Variants in GPR158 observed in about 807,000 individuals in gnomAD.
GPR158 encodes the protein metabotropic glycine receptor.
A neutral mutation model predicts 78.2 loss-of-function variants in GPR158; 30 were observed. The ratio of observed to expected loss-of-function variants is 0.38; its 90% CI spans 0.29 to 0.52. The LOEUF (loss-of-function observed/expected upper bound fraction) is 0.52. GPR158 is among the 20% of genes least tolerant of loss of function. The probability of loss-of-function intolerance (pLI) is 0.83; values close to 1 mark genes in which losing one functional copy is unlikely to be tolerated. For missense variants in GPR158, 1,463 were observed against 1,523.5 expected, an observed-to-expected ratio of 0.96 and a Z score of 0.66; for synonymous variants, 581 against 591.1, an observed-to-expected ratio of 0.98 and a Z score of 0.25.
intron 3 of GPR158, among the ~76,000 whole-genome samples, chr10:25,401,616 A>G (rs1834447172): frequency 6.6e-6 from 1 of 151,964 alleles, no homozygotes; most frequent in Non-Finnish European, 1.5e-5. Flanking sequence ...ACATAATTTT[A>G]TATATTTGCA....
chr10:25,598,076 C>A lies in GPR158; in HGVS notation c.2450C>A (p.Ser817Tyr), dbSNP rs867635270. 6.2e-7 allele frequency: 1 copy of A among 1,613,894 alleles called. No individual in the cohort carries two copies. The highest frequency in any genetic ancestry group is 8.5e-7 in the Non-Finnish European group (1 of 1,180,004). Reference protein sequence around the residue: ...LKNRVFSLKKSHSTYDHVRDQ... With the variant: ...LKNRVFSLKKYHSTYDHVRDQ... ...AACCGAGTCTTCTCACTCAAGAAAT[C>A]CCACAGCACTTATGACCACGTGAGA... The change falls in exon 11 of 11, where the codon TCC (serine) becomes TAC (tyrosine). Residue 817 changes from serine (S) to tyrosine (Y), a missense_variant. Transcript: ENST00000376351.
At chr10:25,237,995 TTTC>T (rs777304606) in intron 2 of GPR158, among the ~76,000 whole-genome samples, 4 of 152,124 alleles carry the variant, frequency 2.6e-5, no homozygotes, top group African/African-American at 7.2e-5. Context: ...TCTCTTCTGT[TTTC>T]TTCTTTTCTC....
At chr10:25,217,660 G>C (rs910154745) in intron 1 of GPR158, among the ~76,000 whole-genome samples, 2 of 152,176 alleles carry the variant, frequency 1.3e-5, no homozygotes, top group Non-Finnish European at 1.5e-5. Flanking sequence ...AGCACAAAGG[G>C]AGTCCAACCT....
chr10:25,596,493 C>CTCTA (rs920411160), intron 9 of GPR158, 150 bp from the exon 10 acceptor site: 6 of 563,232 alleles, frequency 1.1e-5, no homozygotes, highest in Non-Finnish European at 1.9e-5. Flanking sequence ...GTCTCTCTCT[C>CTCTA]TCTATCTATC....
intron 2 of GPR158, among the ~76,000 whole-genome samples, chr10:25,270,835 C>T (rs941013772): frequency 6.6e-6 from 1 of 152,174 alleles, no homozygotes; most frequent in African/African-American, 2.4e-5. Context: ...CTCTTTACAT[C>T]CATTATTGTC....
chr10:25,476,268 T>G (rs1403082201), intron 5 of GPR158, among the ~76,000 whole-genome samples: 2 of 152,174 alleles, frequency 1.3e-5, no homozygotes, highest in Non-Finnish European at 2.9e-5. Flanking sequence ...AAGTGTATTT[T>G]TTTGCTAAAT....
At chr10:25,204,025 A>G (rs985087962) in intron 1 of GPR158, among the ~76,000 whole-genome samples, 2 of 151,408 alleles carry the variant, frequency 1.3e-5, no homozygotes, top group African/African-American at 2.4e-5. Context: ...AGCAATTGTG[A>G]ATGGGAGTTC....
chr10:25,478,865 A>C (rs1004057297), intron 5 of GPR158, among the ~76,000 whole-genome samples: 1 of 136,036 alleles, frequency 7.4e-6, no homozygotes, highest in African/African-American at 2.8e-5. Flanking sequence ...CTCATTGTCC[A>C]GTTCCCACCT....
At chr10:25,457,951 A>G (rs908353256) in intron 4 of GPR158, among the ~76,000 whole-genome samples, 17 of 152,252 alleles carry the variant, frequency 1.1e-4, no homozygotes, top group Admixed American at 1.3e-4. Flanking sequence ...AAAAATCACC[A>G]TAGCCATGTA....
intron 2 of GPR158, among the ~76,000 whole-genome samples, chr10:25,371,069 T>C (rs1833983129): frequency 1.3e-5 from 2 of 148,398 alleles, no homozygotes; most frequent in Admixed American, 6.8e-5. Flanking sequence ...TGTCTCTGCA[T>C]GTGAGATGGG....
intron 2 of GPR158, among the ~76,000 whole-genome samples, chr10:25,312,276 C>A (rs1282403513): frequency 2.0e-5 from 3 of 151,446 alleles, no homozygotes; most frequent in Non-Finnish European, 4.4e-5. Flanking sequence ...ATATATATAT[C>A]AGAGAAATTG....
intron 2 of GPR158, among the ~76,000 whole-genome samples, chr10:25,318,472 C>T (rs1283690727): frequency 6.6e-6 from 1 of 151,996 alleles, no homozygotes; most frequent in Non-Finnish European, 1.5e-5. Flanking sequence ...TAATCATAAA[C>T]CCTTCATTCC....
At chr10:25,529,646 G>T (rs2130691858) in intron 5 of GPR158, among the ~76,000 whole-genome samples, 1 of 152,316 alleles carries the variant, frequency 6.6e-6, no homozygotes, top group Non-Finnish European at 1.5e-5. Context: ...ACAATGCCAA[G>T]AAATTGTGGT....
chr10:25,598,918 A>G lies in GPR158; in HGVS notation c.3292A>G (p.Arg1098Gly). Residue 1098 changes from arginine to glycine, a missense_variant, in exon 11 of 11, where the codon AGG becomes GGG. Physicochemically the swap from Arg to Gly is moderately radical, Grantham distance 125 (BLOSUM62 -2). Coordinates refer to ENST00000376351, the MANE Select transcript of GPR158 (RefSeq NM_020752.3). ...LISKTPVLPE[R>G]AKEENGGQPR... ...TTCCAAGACTCCAGTTCTCCCAGAGAGGGCAAAAGAGGAGAACGGAGGTCA... is the reference window on the plus strand; with the variant it reads ...TTCCAAGACTCCAGTTCTCCCAGAGGGGGCAAAAGAGGAGAACGGAGGTCA... The G allele has an allele frequency of 1.9e-6, 3 of 1,614,062 alleles. No individual in the cohort carries two copies. Among genetic ancestry groups the G allele is most frequent in the Non-Finnish European group, 2.5e-6 (3 of 1,180,008 alleles).
At chr10:25,515,680 C>A (rs1407171889) in intron 5 of GPR158, among the ~76,000 whole-genome samples, 3 of 148,632 alleles carry the variant, frequency 2.0e-5, no homozygotes, top group Non-Finnish European at 4.5e-5. Flanking sequence ...TCATCCATGT[C>A]CCTACAAAGG....
intron 1 of GPR158, among the ~76,000 whole-genome samples, chr10:25,220,426 A>G (rs979249930): frequency 6.6e-6 from 1 of 152,194 alleles, no homozygotes; most frequent in African/African-American, 2.4e-5. Flanking sequence ...TCTTAGTGAC[A>G]CTTCTCAAAT....
intron 5 of GPR158, among the ~76,000 whole-genome samples, chr10:25,497,300 G>C (rs2130653958): frequency 6.6e-6 from 1 of 152,298 alleles, no homozygotes; most frequent in East Asian, 1.9e-4. Flanking sequence ...ATGCCCTCCT[G>C]TGGACTTAAC....
At chr10:25,379,658 T>G (rs1834128360) in intron 2 of GPR158, among the ~76,000 whole-genome samples, 3 of 150,030 alleles carry the variant, frequency 2.0e-5, no homozygotes, top group African/African-American at 7.3e-5. Flanking sequence ...TTTTTTTTTT[T>G]TTTTTTTCTG....
At chr10:25,373,697 A>G (rs1369865300) in intron 2 of GPR158, among the ~76,000 whole-genome samples, 1 of 151,930 alleles carries the variant, frequency 6.6e-6, no homozygotes, top group Non-Finnish European at 1.5e-5. Context: ...GTAATATAGA[A>G]GTAAATATGT....
Sources: gnomAD v4.1 joint callset for allele counts (sites outside exome capture counted in the v4.1 genomes callset) on GRCh38, gnomAD v4.1.1 for gene constraint, MANE v1.5 for transcripts, NCBI Gene and HGNC (gene_info 2026-07-23, HGNC 2026-07-21) for gene names.